Variants in DHRS7 observed in about 807,000 individuals in gnomAD.
DHRS7 encodes the protein dehydrogenase/reductase SDR family member 7.
DHRS7 carries 34 observed loss-of-function variants against 38.9 expected under a neutral mutation model. The observed-to-expected ratio is 0.87, with a 90% CI of 0.66 to 1.16. The LOEUF (loss-of-function observed/expected upper bound fraction) is 1.16. Ranked by LOEUF, DHRS7 falls within the 50% of genes most tolerant of loss-of-function variation. The pLI, the probability that DHRS7 is intolerant of heterozygous loss-of-function variation, is 0.00. For missense variants in DHRS7, 421 were observed against 407.0 expected, an observed-to-expected ratio of 1.03 and a Z score of -0.30; for synonymous variants, 158 against 153.1, an observed-to-expected ratio of 1.03 and a Z score of -0.24.
chr14:60,165,430 G>A (rs1239781311), upstream of DHRS7: 8 of 1,407,180 alleles, frequency 5.7e-6, no homozygotes, highest in African/African-American at 3.0e-5. This position sits in a 1 kb window ranked among gnomAD's most constrained non-coding sequence, Gnocchi z 4.6. Flanking sequence ...CCCCGGCTCC[G>A]CCCAGGGAGC....
At position 60,150,194 on chromosome 14, in the gene DHRS7, G is replaced by GGAAAA. The variant is rs376945245; in HGVS notation, c.634-8_634-7insTTTTC. 7 of 1,121,048 alleles carry GGAAAA rather than the reference G, an allele frequency of 6.2e-6. No individual in the cohort carries two copies. The African/African-American group carries it at 1.2e-4, about 19-fold the overall frequency. The allele number at this position is 1,121,048 out of a possible 1,614,324, so 69.4% of individuals were successfully genotyped here. A position where few individuals can be genotyped will look rare whatever the true frequency, so the allele number is the denominator to read the frequency against. Reference sequence around the variant, plus strand: ...GAAGGCCATTAAAAAAACCCTAACAGACAAAAAAAAAAAAAAAGGAAAAAG... The same window carrying GGAAAA: ...GAAGGCCATTAAAAAAACCCTAACAGGAAAAACAAAAAAAAAAAAAAAGGAAAAAG... On this transcript the variant is annotated splice_polypyrimidine_tract_variant and splice_region_variant and intron_variant, in intron 4 of 6. Coordinates refer to ENST00000557185, the MANE Select transcript of DHRS7 (RefSeq NM_016029.4).
rs2140582083 is a variant in DHRS7, at chr14:60,145,238, G to A, written c.973-225C>T. The A allele has an allele frequency of 2.6e-6, 1 of 382,456 alleles. No homozygotes were observed. Among genetic ancestry groups the A allele is most frequent in the Non-Finnish European group, 4.6e-6 (1 of 218,222 alleles). The allele number at this position is 382,456 out of a possible 1,614,324, so 23.7% of individuals were successfully genotyped here. ...GTTTAGCATCATCTCTGGTTTAGAG[G>A]AGGTATAAATAGCATTGGACTGCAA... On this transcript the variant is annotated intron_variant, in intron 6 of 6. Transcript: ENST00000557185. This position sits in a 1 kb window ranked among gnomAD's most constrained non-coding sequence, Gnocchi z 4.0.
rs539765495 is a variant in DHRS7 at position 60,149,523 on chromosome 14, G to A, written c.802C>T (p.Arg268Cys). Reference sequence around the variant, plus strand: ...CTGATTAACATCAGCCGCACACAACGACTGGTTGTCATCTTGTGGGACTGG... The same window carrying A: ...CTGATTAACATCAGCCGCACACAACAACTGGTTGTCATCTTGTGGGACTGG... ...GDQSHKMTTS[R>C]CVRLMLISMA... The change falls in exon 6 of 7, where the codon CGT (arginine) becomes TGT (cysteine). Residue 268 changes from arginine (R) to cysteine (C), a missense_variant. Arg to Cys is a radical substitution (Grantham distance 180). Coordinates refer to ENST00000557185, the MANE Select transcript of DHRS7 (RefSeq NM_016029.4). 2.6e-5 allele frequency: 42 copies of A among 1,613,836 alleles called. No homozygotes were observed. The highest frequency in any genetic ancestry group is 1.6e-4 in the East Asian group (7 of 44,880).
In DHRS7 at chr14:60,150,075, T is replaced by G. The variant is rs148256416; in HGVS notation, c.746A>C (p.Glu249Ala). ...ACTAGAAATTTTTACCTTTGTGACT[T>G]CTCCAGCTAGGGAATTCTCCACAAT... is the stretch of plus-strand genomic sequence containing the variant. The part of the protein sequence containing the change: ...SNIVENSLAG[E>A]VTKTIGNNGD... Residue 249 changes from glutamate (E) to alanine (A), a missense_variant, in exon 5 of 7, where the codon GAA (glutamate) becomes GCA (alanine). By Grantham distance (107) the Glu-to-Ala change is moderately radical. Coordinates refer to ENST00000557185, the MANE Select transcript of DHRS7 (RefSeq NM_016029.4). 98 of 1,597,044 alleles carry G rather than the reference T, an allele frequency of 6.1e-5. No homozygotes were observed. The highest frequency in any genetic ancestry group is 7.7e-5 in the Non-Finnish European group (90 of 1,175,964).
At chr14:60,150,296 AATCATGCAAGCTT>A in intron 4 of DHRS7, 109 bp from the exon 5 acceptor site, 4 of 1,074,410 alleles carry the variant, frequency 3.7e-6, no homozygotes, top group Non-Finnish European at 3.8e-6. Flanking sequence ...CAGGTAGTGT[AATCATGCAAGCTT>A]ATTAGGCACT....
upstream of DHRS7, among the ~76,000 whole-genome samples, chr14:60,167,391 C>T (rs1794075087): frequency 6.6e-6 from 1 of 152,182 alleles, no homozygotes; most frequent in South Asian, 2.1e-4. Flanking sequence ...TGAATAAAGT[C>T]CGAAAGTCTT....
rs758167532 is a variant in DHRS7, at chr14:60,150,096, A to G, written c.725T>C (p.Val242Ala). 1 of 1,606,102 alleles carries G rather than the reference A, an allele frequency of 6.2e-7. No individual in the cohort carries two copies. The highest frequency in any genetic ancestry group is 8.5e-7 in the Non-Finnish European group (1 of 1,178,074). Residue 242 changes from valine to alanine, a missense_variant, in exon 5 of 7, where the codon GTG (valine) becomes GCG (alanine). By Grantham distance (64) the Val-to-Ala change is moderately conservative. Coordinates refer to ENST00000557185, the MANE Select transcript of DHRS7 (RefSeq NM_016029.4). Reference protein sequence around the residue: ...ICPGPVQSNIVENSLAGEVTK... With the variant: ...ICPGPVQSNIAENSLAGEVTK... The stretch of plus-strand genomic sequence containing the variant: ...GACTTCTCCAGCTAGGGAATTCTCC[A>G]CAATATTTGATTGCACAGGTCCTGG...
intron 1 of DHRS7, chr14:60,159,098 G>A (rs1896712881): frequency 2.3e-6 from 1 of 436,712 alleles, no homozygotes; most frequent in Non-Finnish European, 4.6e-6. Context: ...TATTGACATG[G>A]ATGCAGTTGA....
upstream of DHRS7, chr14:60,166,391 T>C (rs117138515): frequency 1.6e-3 from 569 of 360,830 alleles, 7 homozygotes; most frequent in East Asian, 0.019. Flanking sequence ...ATCCTCTTCA[T>C]TTCCTAGAGT....
Position 60,165,097 on chromosome 14 carries a change from A to G in DHRS7, c.133+80T>C. 3 of 1,553,280 alleles carry G rather than the reference A, an allele frequency of 1.9e-6. No homozygotes were observed. The highest frequency in any genetic ancestry group is 1.7e-6 in the Non-Finnish European group (2 of 1,143,430). ...CCCACAAAGGACCCGGGATCACTGC[A>G]GAACCCCCGGAGACCCGGACACGCC... On this transcript the variant is annotated intron_variant, in intron 1 of 6. Transcript: ENST00000557185. This position sits in a 1 kb window ranked among gnomAD's most constrained non-coding sequence, Gnocchi z 4.6.
chr14:60,156,716 T>C (rs1306346066), intron 1 of DHRS7, among the ~76,000 whole-genome samples: 6 of 152,242 alleles, frequency 3.9e-5, no homozygotes, highest in African/African-American at 1.4e-4. Flanking sequence ...TTTTCCCCAT[T>C]TGCCAATAAT....
At position 60,156,001 on chromosome 14, in the gene DHRS7, T is replaced by C. The variant is rs1377870378; in HGVS notation, c.285A>G (p.Leu95=). 4 of 1,562,484 alleles carry C rather than the reference T, an allele frequency of 2.6e-6. No homozygotes were observed. Among genetic ancestry groups the C allele is most frequent in the Non-Finnish European group, 3.5e-6 (4 of 1,155,502 alleles). ...CGCTGCTATTTCAGATCCGCTTACC[T>C]AGGCATCTTCTTTTCACCCTTTCCA... The part of the protein sequence containing the change: ...HELERVKRRC[L]ENGNLKEKDI... Residue 95 remains leucine, a splice_region_variant and synonymous_variant, in exon 2 of 7, where the codon CTA becomes CTG. Coordinates refer to ENST00000557185, the MANE Select transcript of DHRS7 (RefSeq NM_016029.4).
chr14:60,157,454 T>G (rs1029416355), intron 1 of DHRS7, among the ~76,000 whole-genome samples: 1 of 152,242 alleles, frequency 6.6e-6, no homozygotes, highest in Non-Finnish European at 1.5e-5. Flanking sequence ...AGTCACTTAA[T>G]AACGTATGTC....
chr14:60,158,978 C>A, intron 1 of DHRS7: 1 of 347,144 alleles, frequency 2.9e-6, no homozygotes, highest in South Asian at 2.7e-5. Context: ...TCGGTGGGTC[C>A]AAGTGTCCAG....
chr14:60,159,278 G>A, intron 1 of DHRS7: 1 of 429,578 alleles, frequency 2.3e-6, no homozygotes, highest in South Asian at 2.0e-5. Context: ...AAAATTTCAT[G>A]TCAGCTTCTA....
chr14:60,159,191 C>T (rs1380665546), intron 1 of DHRS7: 1 of 359,866 alleles, frequency 2.8e-6, no homozygotes, highest in Non-Finnish European at 5.6e-6. Context: ...TCAAGATCTC[C>T]CTGTCAGAGG....
Position 60,153,260 on chromosome 14 carries a change from T to C in DHRS7, c.394-82A>G, listed in dbSNP as rs1896588204. The C allele has an allele frequency of 5.4e-6, 8 of 1,481,706 alleles. No individual in the cohort carries two copies. The highest frequency in any genetic ancestry group is 7.4e-6 in the Non-Finnish European group (8 of 1,082,980). The allele number at this position is 1,481,706 out of a possible 1,614,324, so 91.8% of individuals were successfully genotyped here. A position where few individuals can be genotyped will look rare whatever the true frequency, so the allele number is the denominator to read the frequency against. Reference sequence around the variant, plus strand: ...TGGAATTCCTATGGATGGTTGGTTATTTTGTTAACTTAAAGAATCAATGGA... The same window carrying C: ...TGGAATTCCTATGGATGGTTGGTTACTTTGTTAACTTAAAGAATCAATGGA... On this transcript the variant is annotated intron_variant, in intron 3 of 6. Coordinates refer to ENST00000557185, the MANE Select transcript of DHRS7 (RefSeq NM_016029.4). The surrounding 1 kb of genome is among the most constrained non-coding windows in gnomAD (Gnocchi z 4.4).
At chr14:60,152,783 T>C in intron 4 of DHRS7, 156 bp downstream of exon 4, 1 of 699,498 alleles carries the variant, frequency 1.4e-6, no homozygotes, top group Non-Finnish European at 2.4e-6. Flanking sequence ...AAGTCTTTTT[T>C]AGCATCTACT....
At chr14:60,158,231 G>A (rs1334871748) in intron 1 of DHRS7, among the ~76,000 whole-genome samples, 3 of 96,500 alleles carry the variant, frequency 3.1e-5, no homozygotes, top group African/African-American at 5.8e-5. Context: ...AGACTCTGTC[G>A]GAAAAAAAAA....
Sources: gnomAD v4.1 joint callset for allele counts (sites outside exome capture counted in the v4.1 genomes callset) on GRCh38, gnomAD v4.1.1 for gene constraint, Gnocchi (gnomAD v3.1) non-coding constraint, MANE v1.5 for transcripts, NCBI Gene and HGNC (gene_info 2026-07-23, HGNC 2026-07-21) for gene names.